The following VEGFC variants were observed in gnomAD, a reference collection of about 807,000 sequenced individuals.
VEGFC encodes vascular endothelial growth factor C.
Under a neutral mutation model 46.1 loss-of-function variants are expected in VEGFC, and 12 were observed. That is an observed-to-expected ratio of 0.26 (90% confidence interval 0.17 to 0.42). The LOEUF (loss-of-function observed/expected upper bound fraction) is 0.42. VEGFC is among the 10% of genes least tolerant of loss of function. The pLI, the probability that VEGFC is intolerant of heterozygous loss-of-function variation, is 1.00. For synonymous variants in VEGFC, 232 were observed against 195.5 expected, an observed-to-expected ratio of 1.19 and a Z score of -1.56; for missense variants, 488 against 529.4, an observed-to-expected ratio of 0.92 and a Z score of 0.77.
intron 3 of VEGFC, among the ~76,000 whole-genome samples, chr4:176,721,099 T>A (rs1421405729): frequency 2.0e-5 from 3 of 152,090 alleles, no homozygotes; most frequent in African/African-American, 4.8e-5. Context: ...GATATTGACA[T>A]AACCCAAGAA....
At chr4:176,740,896 T>G (rs1284334563) in intron 1 of VEGFC, among the ~76,000 whole-genome samples, 2 of 151,882 alleles carry the variant, frequency 1.3e-5, no homozygotes, top group African/African-American at 2.4e-5. Flanking sequence ...AAGGAATGAA[T>G]AGCAAGTACT....
chr4:176,756,874 T>C (rs530807445), intron 1 of VEGFC, among the ~76,000 whole-genome samples: 1 of 152,196 alleles, frequency 6.6e-6, no homozygotes, highest in East Asian at 1.9e-4. Context: ...GTGAAATGGA[T>C]GGATTTGGAA....
chr4:176,746,965 A>C (rs1422762117), intron 1 of VEGFC, among the ~76,000 whole-genome samples: 1 of 152,150 alleles, frequency 6.6e-6, no homozygotes, highest in Non-Finnish European at 1.5e-5. Context: ...AGAGATATGC[A>C]CTTTAAGAAT....
intron 4 of VEGFC, among the ~76,000 whole-genome samples, chr4:176,708,486 T>A (rs1177799443): frequency 2.6e-5 from 4 of 152,092 alleles, no homozygotes; most frequent in African/African-American, 9.7e-5. Flanking sequence ...TAAAATTTTA[T>A]GGGGAAAGTG....
chr4:176,706,798 C>T (rs1485765), intron 4 of VEGFC, among the ~76,000 whole-genome samples: 109,884 of 152,066 alleles, frequency 0.72, 44,374 homozygotes, highest in East Asian at 0.94. Context: ...ATCATCTTTT[C>T]GTAAGTTTAT....
intron 1 of VEGFC, among the ~76,000 whole-genome samples, chr4:176,762,452 C>T (rs1014777505): frequency 6.6e-6 from 1 of 152,128 alleles, no homozygotes; most frequent in African/African-American, 2.4e-5. Flanking sequence ...AGAGACGGGG[C>T]CCTCACCAGG....
chr4:176,687,953 G>A (rs991544658), intron 4 of VEGFC, 26 bp from the exon 5 acceptor site: 6 of 1,459,936 alleles, frequency 4.1e-6, no homozygotes, highest in African/African-American at 2.8e-5. Context: ...ACGAGGTTTA[G>A]CAATGGTGTA....
intron 1 of VEGFC, among the ~76,000 whole-genome samples, chr4:176,748,465 G>T (rs1735292393): frequency 6.6e-6 from 1 of 151,744 alleles, no homozygotes; most frequent in South Asian, 2.1e-4. Flanking sequence ...TAAACAAATA[G>T]TAGTGTCTGG....
chr4:176,777,241 C>T (rs1735829483), intron 1 of VEGFC, among the ~76,000 whole-genome samples: 1 of 152,142 alleles, frequency 6.6e-6, no homozygotes, highest in African/African-American at 2.4e-5. Flanking sequence ...GGCTTGAACC[C>T]AGGAGGCGGA....
chr4:176,695,465 T>G (rs377167886), intron 4 of VEGFC, among the ~76,000 whole-genome samples: 3 of 150,642 alleles, frequency 2.0e-5, no homozygotes, highest in African/African-American at 4.9e-5. Flanking sequence ...AATAACAGGA[T>G]CTGAAATTGT....
intron 1 of VEGFC, among the ~76,000 whole-genome samples, chr4:176,752,469 A>G (rs1186830444): frequency 6.6e-6 from 1 of 152,068 alleles, no homozygotes; most frequent in Non-Finnish European, 1.5e-5. Context: ...ACTACTCTTC[A>G]GTGTTCAGTA....
intron 5 of VEGFC, 115 bp from the exon 6 acceptor site, chr4:176,687,635 A>G (rs1734068670): frequency 2.6e-6 from 3 of 1,138,002 alleles, no homozygotes; most frequent in Non-Finnish European, 3.6e-6. Context: ...AGGATTGGGT[A>G]CAAACATGAG....
intron 1 of VEGFC, among the ~76,000 whole-genome samples, chr4:176,748,173 T>C (rs1735287819): frequency 6.6e-6 from 1 of 152,112 alleles, no homozygotes; most frequent in African/African-American, 2.4e-5. Flanking sequence ...CAATTTATTT[T>C]AAAACAAAAT....
chr4:176,775,946 A>G (rs1735807527), intron 1 of VEGFC, among the ~76,000 whole-genome samples: 1 of 152,136 alleles, frequency 6.6e-6, no homozygotes, highest in African/African-American at 2.4e-5. Context: ...ACCTTTATTT[A>G]TTTGAAATGT....
chr4:176,706,639 A>C (rs1306775481), intron 4 of VEGFC, among the ~76,000 whole-genome samples: 2 of 150,744 alleles, frequency 1.3e-5, no homozygotes, highest in African/African-American at 2.4e-5. Context: ...AAAAAAAAAA[A>C]AAAAAAAAAA....
intron 1 of VEGFC, among the ~76,000 whole-genome samples, chr4:176,738,574 T>C (rs919665451): frequency 2.0e-5 from 3 of 152,032 alleles, no homozygotes. Flanking sequence ...AAGATTTAAA[T>C]GTAAAACTCA....
chr4:176,687,682 C>T (rs1401500083), intron 5 of VEGFC, 139 bp downstream of exon 5: 24 of 936,880 alleles, frequency 2.6e-5, no homozygotes, highest in Non-Finnish European at 3.4e-5. Context: ...ATAATACCAA[C>T]GTGAAGTAGA....
chr4:176,705,253 A>C (rs1312916823), intron 4 of VEGFC, among the ~76,000 whole-genome samples: 1 of 152,198 alleles, frequency 6.6e-6, no homozygotes, highest in Non-Finnish European at 1.5e-5. Flanking sequence ...TCGCTACTTA[A>C]TCACAAATGA....
chr4:176,782,273 G>A (rs1735929673), intron 1 of VEGFC, among the ~76,000 whole-genome samples: 1 of 152,052 alleles, frequency 6.6e-6, no homozygotes, highest in African/African-American at 2.4e-5. Context: ...GAGCAGCCTG[G>A]GCAACTTAGT....
Sources: gnomAD v4.1 joint callset for allele counts (sites outside exome capture counted in the v4.1 genomes callset) on GRCh38, gnomAD v4.1.1 for gene constraint, MANE v1.5 for transcripts, NCBI Gene and HGNC (gene_info 2026-07-23, HGNC 2026-07-21) for gene names.